Variants in SLC6A5 observed in about 807,000 individuals in gnomAD.
SLC6A5 encodes sodium- and chloride-dependent glycine transporter 2.
SLC6A5 carries 58 observed loss-of-function variants against 90.5 expected under a neutral mutation model. That is an observed-to-expected ratio of 0.64 (90% confidence interval 0.52 to 0.80). The LOEUF is 0.80. Ranked by LOEUF, SLC6A5 falls within the 30% of genes least tolerant of loss-of-function variation. The pLI, the probability that SLC6A5 is intolerant of heterozygous loss-of-function variation, is 0.00. For synonymous variants in SLC6A5, 427 were observed against 401.4 expected, an observed-to-expected ratio of 1.06 and a Z score of -0.76; for missense variants, 1,015 against 1,017.6, an observed-to-expected ratio of 1.00 and a Z score of 0.03.
intron 6 of SLC6A5, among the ~76,000 whole-genome samples, chr11:20,617,066 CTAG>C (rs1215119835): frequency 2.0e-4 from 31 of 152,230 alleles, no homozygotes; most frequent in Admixed American, 2.0e-4. Context: ...GGCTGCCCTG[CTAG>C]CCATTTGGCC....
intron 5 of SLC6A5, 56 bp downstream of exon 5, chr11:20,607,708 A>G (rs1852612551): frequency 7.0e-7 from 1 of 1,422,626 alleles, no homozygotes; most frequent in African/African-American, 1.4e-5. Context: ...CCATTTATTC[A>G]GCAAAATAAT....
At chr11:20,636,181 C>T in intron 10 of SLC6A5, 126 bp from the exon 11 acceptor site, 1 of 719,582 alleles carries the variant, frequency 1.4e-6, no homozygotes, top group South Asian at 1.5e-5. Flanking sequence ...TAAAAAATAA[C>T]CAACAGTGGA....
At chr11:20,602,264 T>A (rs1852494829) in intron 2 of SLC6A5, among the ~76,000 whole-genome samples, 1 of 152,190 alleles carries the variant, frequency 6.6e-6, no homozygotes, top group Non-Finnish European at 1.5e-5. Flanking sequence ...TGCCATAATT[T>A]TCTATTTTTT....
Position 20,659,155 on chromosome 11 carries a change from T to C in SLC6A5, c.*4287T>C, listed in dbSNP as rs1006551817. The C allele has an allele frequency of 4.6e-5, 7 of 151,138 alleles. No individual in the cohort carries two copies. The highest frequency in any genetic ancestry group is 1.0e-4 in the Non-Finnish European group (7 of 67,842). The allele number at this position is 151,138 out of a possible 1,614,324, so 9.4% of individuals were successfully genotyped here. A position where few individuals can be genotyped will look rare whatever the true frequency, so the allele number is the denominator to read the frequency against. ...ATTCTTGAGGCCCTACCTCAAATTT[T>C]CTATTTATGTATAAAAATGCAATTT... On this transcript the variant is annotated 3_prime_UTR_variant, in exon 16 of 16. Transcript: ENST00000525748.
chr11:20,654,505 A>C (rs1297339279), intron 15 of SLC6A5, among the ~76,000 whole-genome samples: 1 of 152,222 alleles, frequency 6.6e-6, no homozygotes, highest in African/African-American at 2.4e-5. Context: ...TTTCAAGTGA[A>C]CCAAACTAAG....
rs185874031 is a variant in SLC6A5, at chr11:20,631,237, G to C, written c.1624+422G>C. On this transcript the variant is annotated intron_variant, in intron 10 of 15. Coordinates refer to ENST00000525748, the MANE Select transcript of SLC6A5 (RefSeq NM_004211.5). ...CCCTGTCGAAACCAAGGCTTAGTGA[G>C]AGAACTGACTTCAGAGGAGCATTTT... is the stretch of plus-strand genomic sequence containing the variant. Among the ~76,000 whole-genome samples, 3 of 152,340 alleles carry C rather than the reference G, an allele frequency of 2.0e-5. No individual in the cohort carries two copies. The East Asian group carries it at 5.8e-4, about 29-fold the overall frequency.
In SLC6A5 at chr11:20,604,461, G is replaced by A. The variant is rs772992213; in HGVS notation, c.679+37G>A. The A allele has an allele frequency of 8.1e-6, 13 of 1,607,572 alleles. No homozygotes were observed. The African/African-American group carries it at 1.5e-4, about 18-fold the overall frequency. Reference sequence around the variant, plus strand: ...CCGCTCTTTCCGCCTGCGGCGGGGCGGGGCGGGCACCTGAGGGTTGGGTGG... The same window carrying A: ...CCGCTCTTTCCGCCTGCGGCGGGGCAGGGCGGGCACCTGAGGGTTGGGTGG... On this transcript the variant is annotated intron_variant, in intron 3 of 15. Transcript: ENST00000525748.
At chr11:20,603,133 TCTC>T (rs1306258855) in intron 2 of SLC6A5, among the ~76,000 whole-genome samples, 4 of 152,166 alleles carry the variant, frequency 2.6e-5, no homozygotes, top group African/African-American at 4.8e-5. Flanking sequence ...CCCTAAGACT[TCTC>T]CTGACAGCTG....
chr11:20,647,257 C>CTA (rs1853434641), intron 14 of SLC6A5, among the ~76,000 whole-genome samples: 1 of 124,074 alleles, frequency 8.1e-6, no homozygotes, highest in African/African-American at 3.0e-5. Flanking sequence ...ATATCAGTTC[C>CTA]TATATATATA....
chr11:20,607,473 C>T lies in SLC6A5; in HGVS notation c.812-6C>T. ...GAATGAACCCCTGGAATTTTTGCTTCTGCAGGCTGTGGCATCGCGATGCTG... is the reference window on the plus strand; with the variant it reads ...GAATGAACCCCTGGAATTTTTGCTTTTGCAGGCTGTGGCATCGCGATGCTG... On this transcript the variant is annotated splice_polypyrimidine_tract_variant and splice_region_variant and intron_variant, in intron 4 of 15. Transcript: ENST00000525748. 6.2e-7 allele frequency: 1 copy of T among 1,614,178 alleles called. No homozygotes were observed. The highest frequency in any genetic ancestry group is 1.1e-5 in the South Asian group (1 of 91,088).
chr11:20,627,300 G>T (rs10766706), intron 8 of SLC6A5, among the ~76,000 whole-genome samples: 46,670 of 152,058 alleles, frequency 0.31, 7,302 homozygotes, highest in South Asian at 0.41. Flanking sequence ...GCTGAACTTT[G>T]TCTTTGCATA....
chr11:20,618,945 GACACACACAC>G lies in SLC6A5; in HGVS notation c.1260+1087_1260+1096del, dbSNP rs68111718. On this transcript the variant is annotated intron_variant, in intron 7 of 15. Coordinates refer to ENST00000525748, the MANE Select transcript of SLC6A5 (RefSeq NM_004211.5). ...GACAGAGTGAGATCCTGTCCCGCCC[GACACACACAC>G]ACACACACACACACACACACACACA... Among the ~76,000 whole-genome samples the G allele has an allele frequency of 3.3e-3, 498 of 148,764 alleles. 6 individuals carry two copies. Among genetic ancestry groups the G allele is most frequent in the Admixed American group, 0.015 (226 of 14,824 alleles).
At position 20,619,629 on chromosome 11, in the gene SLC6A5, C is replaced by T. The variant is rs575999071; in HGVS notation, c.1260+1745C>T. ...CTGATTTTGCTCTTAGCTTTAATTGCTTTTTTTTTGGCCAATAAATGAAAA... is the reference window on the plus strand; with the variant it reads ...CTGATTTTGCTCTTAGCTTTAATTGTTTTTTTTTTGGCCAATAAATGAAAA... On this transcript the variant is annotated intron_variant, in intron 7 of 15. Coordinates refer to ENST00000525748, the MANE Select transcript of SLC6A5 (RefSeq NM_004211.5). 1.3e-5 allele frequency among the ~76,000 whole-genome samples: 2 copies of T among 150,784 alleles called. 1 individual carries two copies. Among genetic ancestry groups the T allele is most frequent in the Admixed American group, 1.3e-4 (2 of 15,142 alleles).
intron 13 of SLC6A5, among the ~76,000 whole-genome samples, chr11:20,642,002 T>C (rs1301113719): frequency 6.6e-6 from 1 of 152,012 alleles, no homozygotes; most frequent in Admixed American, 6.5e-5. Flanking sequence ...TTAGGGAGTA[T>C]TAAGCTGAGG....
intron 14 of SLC6A5, among the ~76,000 whole-genome samples, chr11:20,647,502 C>A (rs971656410): frequency 2.9e-5 from 4 of 137,322 alleles, no homozygotes; most frequent in African/African-American, 1.1e-4. Context: ...TATAAATGTT[C>A]CTATGGAACA....
At position 20,657,622 on chromosome 11, in the gene SLC6A5, C is replaced by T. The variant is rs750610762; in HGVS notation, c.*2754C>T. On this transcript the variant is annotated 3_prime_UTR_variant, in exon 16 of 16. Coordinates refer to ENST00000525748, the MANE Select transcript of SLC6A5 (RefSeq NM_004211.5). ...AAACTGGCACCTGAAAACTTCCCTT[C>T]AAAGTGGGGGAAAAAACCGAGTAGC... 4 of 152,136 alleles carry T rather than the reference C, an allele frequency of 2.6e-5. No individual in the cohort carries two copies. The highest frequency in any genetic ancestry group is 4.8e-5 in the African/African-American group (2 of 41,422). The allele number at this position is 152,136 out of a possible 1,614,324, so 9.4% of individuals were successfully genotyped here.
chr11:20,652,215 G>T (rs1339552174), intron 14 of SLC6A5, 74 bp from the exon 15 acceptor site: 1 of 1,333,908 alleles, frequency 7.5e-7, no homozygotes, highest in Non-Finnish European at 1.1e-6. Flanking sequence ...ACTCATAACG[G>T]GGGTTTAATA....
In SLC6A5 at chr11:20,613,652, C is replaced by CT. The variant is rs3045403; in HGVS notation, c.986-1005dup. ...CACCGATGTTTTGGACTAAATAATT[C>CT]TTTTTTTTTTTTTTTTTTTTTTAAG... On this transcript the variant is annotated intron_variant, in intron 5 of 15. Coordinates refer to ENST00000525748, the MANE Select transcript of SLC6A5 (RefSeq NM_004211.5). Among the ~76,000 whole-genome samples the CT allele has an allele frequency of 6.8e-3, 863 of 126,374 alleles. 3 individuals carry two copies. Among genetic ancestry groups the CT allele is most frequent in the East Asian group, 0.016 (68 of 4,306 alleles). The allele number at this position is 126,374 out of a possible 152,430, so 82.9% of individuals were successfully genotyped here. A position where few individuals can be genotyped will look rare whatever the true frequency, so the allele number is the denominator to read the frequency against.
intron 13 of SLC6A5, among the ~76,000 whole-genome samples, chr11:20,640,986 G>A (rs1853302253): frequency 6.6e-6 from 1 of 152,136 alleles, no homozygotes; most frequent in Non-Finnish European, 1.5e-5. Context: ...AAATATGGTA[G>A]GGACAATTTT....
Sources: allele counts gnomAD v4.1 joint callset (sites outside exome capture counted in the v4.1 genomes callset), GRCh38; gene constraint gnomAD v4.1.1; transcripts MANE v1.5; gene names NCBI Gene and HGNC (gene_info 2026-07-23, HGNC 2026-07-21).